Variants in B3GALT1 observed in about 807,000 individuals in gnomAD.
The protein encoded by B3GALT1 is UDP-Gal:betaGlcNAc beta 1,3-galactosyltransferase, polypeptide 1.
A neutral mutation model predicts 23.2 loss-of-function variants in B3GALT1; 10 were observed. That is an observed-to-expected ratio of 0.43 (90% CI 0.27 to 0.73). The LOEUF is 0.73. B3GALT1 is among the 30% of genes least tolerant of loss of function. B3GALT1 has a pLI of 0.21. For missense variants in B3GALT1, 299 were observed against 405.4 expected (o/e 0.74, Z 2.25); for synonymous variants, 156 against 141.5 (o/e 1.10, Z -0.73).
In B3GALT1 at chr2:167,872,694, T is replaced by C. The variant is rs1236783804; in HGVS notation, c.*2674T>C. The C allele has an allele frequency of 6.6e-6, 1 of 152,238 alleles. No homozygotes were observed. Among genetic ancestry groups the C allele is most frequent in the East Asian group, 1.9e-4 (1 of 5,206 alleles). 9.4% of individuals were successfully genotyped at this position (152,238 alleles called of 1,614,324 possible). A position where few individuals can be genotyped will look rare whatever the true frequency, so the allele number is the denominator to read the frequency against. The stretch of plus-strand genomic sequence containing the variant: ...GTTTTATATGTGTGTGCATACATTA[T>C]GATACAGCCCTGATCTTTAAAAGGA... On this transcript the variant is annotated 3_prime_UTR_variant, in exon 5 of 5. Coordinates refer to ENST00000392690, the MANE Select transcript of B3GALT1 (RefSeq NM_020981.4).
chr2:167,660,706 T>C (rs1040568356), intron 3 of B3GALT1, among the ~76,000 whole-genome samples: 2 of 152,128 alleles, frequency 1.3e-5, no homozygotes, highest in African/African-American at 2.4e-5. Context: ...TAAGCAGATA[T>C]TTAGGTAATC....
chr2:167,527,777 G>T (rs1371720655), intron 2 of B3GALT1, among the ~76,000 whole-genome samples: 1 of 152,094 alleles, frequency 6.6e-6, no homozygotes, highest in Non-Finnish European at 1.5e-5. Context: ...AGAAATAGAG[G>T]TATTATATGG....
At chr2:167,770,490 G>A (rs868308574) in intron 3 of B3GALT1, among the ~76,000 whole-genome samples, 2 of 152,128 alleles carry the variant, frequency 1.3e-5, no homozygotes, top group Admixed American at 1.3e-4. Context: ...GTTCAGATTT[G>A]AGGGTTCTTT....
At chr2:167,755,752 G>A (rs1034274005) in intron 3 of B3GALT1, among the ~76,000 whole-genome samples, 7 of 152,022 alleles carry the variant, frequency 4.6e-5, no homozygotes, top group Non-Finnish European at 2.9e-5. Context: ...AGGATCAGTC[G>A]AGGCCAGGAG....
intron 2 of B3GALT1, among the ~76,000 whole-genome samples, chr2:167,569,483 CTAAAT>C (rs1684248914): frequency 1.3e-5 from 2 of 151,802 alleles, no homozygotes; most frequent in Non-Finnish European, 2.9e-5. Context: ...TGTTTTAATT[CTAAAT>C]TCCACTTGTG....
At chr2:167,358,864 G>A (rs191141743) in intron 1 of B3GALT1, among the ~76,000 whole-genome samples, 165 of 152,186 alleles carry the variant, frequency 1.1e-3, no homozygotes, top group African/African-American at 3.3e-3. Flanking sequence ...GTGCAGTGGC[G>A]CAATCTTGGC....
chr2:167,374,665 G>A (rs1697736073), intron 1 of B3GALT1, among the ~76,000 whole-genome samples: 1 of 152,048 alleles, frequency 6.6e-6, no homozygotes, highest in Admixed American at 6.6e-5. Flanking sequence ...CTTTTGAGCA[G>A]TTTATGTCTT....
chr2:167,351,518 C>T (rs1258078637), intron 1 of B3GALT1, among the ~76,000 whole-genome samples: 1 of 152,004 alleles, frequency 6.6e-6, no homozygotes, highest in African/African-American at 2.4e-5. Context: ...AGAATTTTGC[C>T]TCAGAAAGCT....
At chr2:167,447,953 G>A (rs1261227000) in intron 1 of B3GALT1, among the ~76,000 whole-genome samples, 3 of 152,154 alleles carry the variant, frequency 2.0e-5, no homozygotes, top group Admixed American at 6.5e-5. Flanking sequence ...ACTGGGAGCT[G>A]TAGACTGGAG....
chr2:167,541,001 T>G (rs1361638854), intron 2 of B3GALT1, among the ~76,000 whole-genome samples: 2 of 151,138 alleles, frequency 1.3e-5, no homozygotes, highest in African/African-American at 4.9e-5. Flanking sequence ...TGAAATTACT[T>G]TAAAATGGAA....
At chr2:167,601,124 A>G (rs1215183251) in intron 2 of B3GALT1, among the ~76,000 whole-genome samples, 2 of 152,114 alleles carry the variant, frequency 1.3e-5, no homozygotes, top group African/African-American at 2.4e-5. Context: ...CAGTGGTGCA[A>G]TCTCTGCTCA....
chr2:167,307,494 T>G (rs1482945235), intron 1 of B3GALT1, among the ~76,000 whole-genome samples: 1 of 152,052 alleles, frequency 6.6e-6, no homozygotes, highest in East Asian at 1.9e-4. Flanking sequence ...TTTGGATTTC[T>G]CAGTAATAAA....
intron 3 of B3GALT1, among the ~76,000 whole-genome samples, chr2:167,756,823 G>C (rs1687825430): frequency 6.6e-6 from 1 of 152,198 alleles, no homozygotes; most frequent in Non-Finnish European, 1.5e-5. Flanking sequence ...AAGTCGTCCA[G>C]AAGGACTGGC....
chr2:167,708,847 G>T (rs1434481732), intron 3 of B3GALT1, among the ~76,000 whole-genome samples: 1 of 152,078 alleles, frequency 6.6e-6, no homozygotes, highest in Non-Finnish European at 1.5e-5. Context: ...GAGAGAGAGA[G>T]ATTTATTTCT....
intron 3 of B3GALT1, among the ~76,000 whole-genome samples, chr2:167,749,375 G>A (rs957191172): frequency 3.9e-5 from 6 of 152,072 alleles, no homozygotes; most frequent in African/African-American, 1.2e-4. Context: ...CCTATGCCAC[G>A]GGCAGGATTT....
chr2:167,386,518 G>T (rs1697931697), intron 1 of B3GALT1, among the ~76,000 whole-genome samples: 1 of 152,044 alleles, frequency 6.6e-6, no homozygotes, highest in African/African-American at 2.4e-5. Context: ...TAGATTCTCA[G>T]TACACCTGGG....
intron 2 of B3GALT1, among the ~76,000 whole-genome samples, chr2:167,587,248 G>C: frequency 6.6e-6 from 1 of 152,112 alleles, no homozygotes; most frequent in East Asian, 1.9e-4. Flanking sequence ...GTCATGTCCA[G>C]GAAGTATTAT....
chr2:167,788,281 CG>C (rs71397609), intron 3 of B3GALT1, among the ~76,000 whole-genome samples: 3 of 86,002 alleles, frequency 3.5e-5, no homozygotes, highest in African/African-American at 8.1e-5. Flanking sequence ...TGGGTGGGGG[CG>C]GGGGGGTGTT....
chr2:167,815,621 C>G (rs1409769144), intron 3 of B3GALT1, among the ~76,000 whole-genome samples: 1 of 152,178 alleles, frequency 6.6e-6, no homozygotes, highest in Non-Finnish European at 1.5e-5. Flanking sequence ...ACTAAATTCT[C>G]CCATAGCTAG....
Sources: gnomAD v4.1 joint callset for allele counts (sites outside exome capture counted in the v4.1 genomes callset) on GRCh38, gnomAD v4.1.1 for gene constraint, MANE v1.5 for transcripts, NCBI Gene and HGNC (gene_info 2026-07-23, HGNC 2026-07-21) for gene names.